Variants in MYO6 observed in about 807,000 individuals in gnomAD.
MYO6 encodes the protein myosin VI.
MYO6 carries 74 observed loss-of-function variants against 178.7 expected under a neutral mutation model. That is an observed-to-expected ratio of 0.41 (90% confidence interval 0.34 to 0.50). The LOEUF (loss-of-function observed/expected upper bound fraction) is 0.50, where lower values mean the gene tolerates loss of function less well. Among genes scored for constraint, MYO6 ranks in the 20% least tolerant of loss-of-function variants. The probability of loss-of-function intolerance (pLI) is 0.09; values close to 1 mark genes in which losing one functional copy is unlikely to be tolerated. For missense variants in MYO6, 1,330 were observed against 1,547.4 expected (o/e 0.86, Z 2.36); for synonymous variants, 477 against 504.6 (o/e 0.95, Z 0.73).
chr6:75,798,453 A>G (rs1380072838), intron 1 of MYO6, among the ~76,000 whole-genome samples: 3 of 152,146 alleles, frequency 2.0e-5, no homozygotes, highest in African/African-American at 4.8e-5. Context: ...CTGGGATGTA[A>G]GGGTGGTTCA....
intron 11 of MYO6, among the ~76,000 whole-genome samples, chr6:75,849,060 T>C (rs1197282369): frequency 6.6e-6 from 1 of 152,236 alleles, no homozygotes; most frequent in East Asian, 1.9e-4. Context: ...TGTTTCAGTC[T>C]GTACATGAAC....
chr6:75,818,825 T>C (rs1272146225), intron 2 of MYO6, among the ~76,000 whole-genome samples: 1 of 152,186 alleles, frequency 6.6e-6, no homozygotes, highest in Non-Finnish European at 1.5e-5. Flanking sequence ...GTTTTTCCTC[T>C]TATTAGCAGG....
intron 14 of MYO6, among the ~76,000 whole-genome samples, chr6:75,860,014 C>T (rs1432685024): frequency 6.6e-6 from 1 of 152,126 alleles, no homozygotes; most frequent in Admixed American, 6.6e-5. Context: ...GCTGGCTCAC[C>T]TTTCCCTGTC....
chr6:75,791,943 A>AC (rs3839378), intron 1 of MYO6, among the ~76,000 whole-genome samples: 8,592 of 152,282 alleles, frequency 0.056, 535 homozygotes, highest in African/African-American at 0.15. Flanking sequence ...AAATATTTCT[A>AC]CAGTGGGCTC....
chr6:75,841,336 T>G lies in MYO6; in HGVS notation c.774T>G (p.Asp258Glu). 1.2e-6 allele frequency: 2 copies of G among 1,613,990 alleles called. No homozygotes were observed. The highest frequency in any genetic ancestry group is 2.2e-5 in the South Asian group (2 of 91,078). ...FYRLCAGASE[D>E]IREKLHLSSP... ...GGTTGTGTGCTGGTGCTTCTGAAGA[T>G]ATTAGAGAAAAACTTCATTTGAGTT... Residue 258 changes from aspartate to glutamate, a missense_variant, in exon 9 of 35, where the codon GAT becomes GAG. Around this residue, in one of 3 missense-constraint regions of MYO6, gnomAD observed 613 missense variants for 816.8 expected, o/e 0.75. Transcript: ENST00000369977.
chr6:75,907,453 C>G, intron 30 of MYO6, 152 bp from the exon 31 acceptor site: 1 of 628,530 alleles, frequency 1.6e-6, no homozygotes, highest in Non-Finnish European at 2.8e-6. Context: ...TTTTAGTATG[C>G]CATTCTTAAT....
chr6:75,753,947 C>T (rs970850969), intron 1 of MYO6, among the ~76,000 whole-genome samples: 1 of 152,056 alleles, frequency 6.6e-6, no homozygotes, highest in African/African-American at 2.4e-5. Context: ...TGAGAAATGA[C>T]CATAAGTCCA....
intron 1 of MYO6, among the ~76,000 whole-genome samples, chr6:75,805,015 A>ATTT (rs1358076357): frequency 6.6e-5 from 4 of 60,362 alleles, no homozygotes; most frequent in African/African-American, 4.4e-4. Context: ...ATATATATAT[A>ATTT]TATATATTTT....
chr6:75,905,214 C>G (rs1035315813), intron 30 of MYO6, among the ~76,000 whole-genome samples: 6 of 152,240 alleles, frequency 3.9e-5, no homozygotes, highest in Non-Finnish European at 7.3e-5. Context: ...GTGGAGCCTA[C>G]AGAGGCAGGC....
intron 11 of MYO6, among the ~76,000 whole-genome samples, chr6:75,850,877 A>G (rs1345000437): frequency 6.8e-6 from 1 of 147,482 alleles, no homozygotes; most frequent in Non-Finnish European, 1.5e-5. Context: ...TAAAATACAG[A>G]TTGCTCCCAA....
intron 1 of MYO6, among the ~76,000 whole-genome samples, chr6:75,756,290 G>T (rs1582969923): frequency 6.6e-6 from 1 of 151,592 alleles, no homozygotes; most frequent in Middle Eastern, 3.2e-3. Flanking sequence ...TGTTGGTGTT[G>T]TAAGAGAAGA....
At position 75,863,703 on chromosome 6, in the gene MYO6, C is replaced by T. The variant is rs1163328358; in HGVS notation, c.1674+980C>T. 2.0e-5 allele frequency among the ~76,000 whole-genome samples: 3 copies of T among 152,016 alleles called. No individual in the cohort carries two copies. In the East Asian group the frequency reaches 5.8e-4, roughly 29 times the overall value. On this transcript the variant is annotated intron_variant, in intron 16 of 34. Transcript: ENST00000369977. ...GTTTCACCAGGTTGGCCAGGAGAGT[C>T]TCAATCTCTTGACCTCATGATCTCC... is the stretch of plus-strand genomic sequence containing the variant.
chr6:75,868,251 T>A (rs1250230831), intron 18 of MYO6, among the ~76,000 whole-genome samples: 1 of 151,822 alleles, frequency 6.6e-6, no homozygotes, highest in Non-Finnish European at 1.5e-5. Context: ...ATAAAAAGCC[T>A]TGAATTTTGT....
At chr6:75,897,440 C>G (rs915801324) in intron 29 of MYO6, among the ~76,000 whole-genome samples, 2 of 152,114 alleles carry the variant, frequency 1.3e-5, no homozygotes, top group South Asian at 4.1e-4. Context: ...TTTCATAGAC[C>G]TCCATCCATA....
intron 32 of MYO6, among the ~76,000 whole-genome samples, chr6:75,910,324 C>A (rs1228514619): frequency 6.6e-6 from 1 of 152,126 alleles, no homozygotes. Context: ...TCTGAGTGAT[C>A]ACACTTCTTA....
At chr6:75,800,007 GTTT>G (rs781147130) in intron 1 of MYO6, among the ~76,000 whole-genome samples, 2 of 152,058 alleles carry the variant, frequency 1.3e-5, no homozygotes, top group Non-Finnish European at 2.9e-5. Context: ...GTGTGGTTTA[GTTT>G]TTTATTTAGA....
intron 1 of MYO6, among the ~76,000 whole-genome samples, chr6:75,812,251 C>G (rs1463188207): frequency 6.6e-6 from 1 of 152,082 alleles, no homozygotes; most frequent in Non-Finnish European, 1.5e-5. Context: ...GTCTTGAGCT[C>G]CTAGGATCAA....
chr6:75,797,719 G>A (rs113481032), intron 1 of MYO6, among the ~76,000 whole-genome samples: 8,556 of 151,544 alleles, frequency 0.056, 543 homozygotes, highest in African/African-American at 0.15. Context: ...TTTTTAGTAG[G>A]GACGAGGTTT....
chr6:75,866,528 T>C lies in MYO6; in HGVS notation c.1677T>C (p.Ile559=). The change falls in exon 17 of 35, where the codon ATT becomes ATC. Residue 559 remains isoleucine, a splice_region_variant and synonymous_variant. Transcript: ENST00000369977. ...QKHKDHFRLT[I]PRKSKLAVHR... is the part of the protein sequence containing the mutation. ...CTCATATATGTATTGTTTTTCAGAT[T>C]CCCAGAAAATCTAAGCTGGCAGTTC... 6.2e-7 allele frequency: 1 copy of C among 1,611,776 alleles called. No individual in the cohort carries two copies. Among genetic ancestry groups the C allele is most frequent in the Non-Finnish European group, 8.5e-7 (1 of 1,177,884 alleles).
Sources: allele counts gnomAD v4.1 joint callset (sites outside exome capture counted in the v4.1 genomes callset), GRCh38; gene constraint gnomAD v4.1.1; regional missense constraint gnomAD v4.1.1; transcripts MANE v1.5; gene names NCBI Gene and HGNC (gene_info 2026-07-23, HGNC 2026-07-21).